Variants in DLG2 observed in about 807,000 individuals in gnomAD.
DLG2 encodes the protein disks large homolog 2.
In DLG2, 45 loss-of-function variants were observed where a neutral mutation model predicts 132.5. The observed-to-expected ratio is 0.34, with a 90% confidence interval of 0.27 to 0.44. The LOEUF is 0.44. DLG2 is among the 20% of genes least tolerant of loss of function. The pLI, the probability that DLG2 is intolerant of heterozygous loss-of-function variation, is 1.00. For missense variants in DLG2, 1,045 were observed against 1,196.9 expected (o/e 0.87, Z 1.87); for synonymous variants, 424 against 419.6 (o/e 1.01, Z -0.13).
At chr11:83,875,576 C>T (rs1358435300) in intron 15 of DLG2, among the ~76,000 whole-genome samples, 2 of 152,248 alleles carry the variant, frequency 1.3e-5, no homozygotes, top group South Asian at 2.1e-4. Flanking sequence ...GAGAATCTTT[C>T]ATCTGAGATA....
chr11:84,373,800 T>C (rs2098718646), intron 7 of DLG2, among the ~76,000 whole-genome samples: 1 of 152,214 alleles, frequency 6.6e-6, no homozygotes, highest in South Asian at 2.1e-4. Flanking sequence ...TTTCAACTTC[T>C]GTTTTTCTCT....
intron 7 of DLG2, among the ~76,000 whole-genome samples, chr11:84,465,585 C>T (rs1365446617): frequency 1.3e-5 from 2 of 151,178 alleles, no homozygotes; most frequent in Admixed American, 6.6e-5. Flanking sequence ...CATGTGAAAT[C>T]TCGCTTCTAT....
chr11:84,882,639 C>T (rs2087534805), intron 6 of DLG2, among the ~76,000 whole-genome samples: 1 of 152,058 alleles, frequency 6.6e-6, no homozygotes, highest in African/African-American at 2.4e-5. Flanking sequence ...TTGGAATCTG[C>T]AGCCTTATTT....
intron 6 of DLG2, among the ~76,000 whole-genome samples, chr11:84,656,393 T>C (rs542559369): frequency 7.2e-5 from 11 of 152,300 alleles, no homozygotes; most frequent in African/African-American, 2.6e-4. Flanking sequence ...CTACTCAGTA[T>C]ATTAAAAATG....
At position 85,502,317 on chromosome 11, in the gene DLG2, G is replaced by A. The variant is rs368365754; in HGVS notation, c.40+96340C>T. On this transcript the variant is annotated intron_variant, in intron 3 of 27. Coordinates refer to ENST00000376104, the MANE Select transcript of DLG2 (RefSeq NM_001142699.3). ...AACATTAGGAGAAATACCTACTGTA[G>A]GTGATGGGTTGATGGGTGCAGCAAA... 1.4e-3 allele frequency among the ~76,000 whole-genome samples: 206 copies of A among 151,862 alleles called. 1 individual carries two copies. Among genetic ancestry groups the A allele is most frequent in the African/African-American group, 4.9e-3 (204 of 41,436 alleles).
At chr11:85,376,590 T>C (rs776294504) in intron 3 of DLG2, among the ~76,000 whole-genome samples, 7 of 152,224 alleles carry the variant, frequency 4.6e-5, no homozygotes, top group African/African-American at 1.4e-4. Flanking sequence ...ATTTCTGCTA[T>C]AATAAACTTG....
At chr11:84,845,823 A>G (rs997728515) in intron 6 of DLG2, among the ~76,000 whole-genome samples, 1 of 151,138 alleles carries the variant, frequency 6.6e-6, no homozygotes, top group East Asian at 2.0e-4. Context: ...GGGACTAGAG[A>G]TGCACACCAA....
chr11:83,775,889 G>A (rs960101111), intron 18 of DLG2, among the ~76,000 whole-genome samples: 4 of 152,014 alleles, frequency 2.6e-5, no homozygotes, highest in Admixed American at 6.6e-5. Context: ...TCAGGAGATC[G>A]AGACCATCCT....
chr11:84,976,438 C>T (rs2154117297), intron 6 of DLG2, among the ~76,000 whole-genome samples: 1 of 152,184 alleles, frequency 6.6e-6, no homozygotes, highest in East Asian at 1.9e-4. Flanking sequence ...GATAATAAAT[C>T]ATATTCCTTG....
intron 6 of DLG2, among the ~76,000 whole-genome samples, chr11:84,580,561 A>G (rs1231583562): frequency 3.3e-5 from 5 of 152,222 alleles, no homozygotes; most frequent in African/African-American, 9.6e-5. Context: ...AGGTCAACCT[A>G]TAAGAATTCA....
chr11:84,036,008 C>T (rs2095854893), intron 11 of DLG2, among the ~76,000 whole-genome samples: 1 of 152,056 alleles, frequency 6.6e-6, no homozygotes, highest in Non-Finnish European at 1.5e-5. Context: ...GTTTTGTATA[C>T]ATTAATCTTA....
chr11:84,452,227 C>T (rs893819303), intron 7 of DLG2, among the ~76,000 whole-genome samples: 2 of 151,384 alleles, frequency 1.3e-5, no homozygotes, highest in Non-Finnish European at 1.5e-5. Flanking sequence ...CATTTGACAA[C>T]AGTAAGGAGA....
chr11:84,536,489 G>C (rs1311834735), intron 6 of DLG2, among the ~76,000 whole-genome samples: 6 of 152,070 alleles, frequency 3.9e-5, no homozygotes, highest in African/African-American at 1.4e-4. Flanking sequence ...CCATGCTTTT[G>C]TTTATCTAAC....
chr11:85,281,540 C>A (rs1399142682), intron 4 of DLG2, among the ~76,000 whole-genome samples: 1 of 151,998 alleles, frequency 6.6e-6, no homozygotes, highest in Non-Finnish European at 1.5e-5. Flanking sequence ...TTCTGTATGC[C>A]TTTTGGGAAG....
At chr11:84,055,248 A>G (rs1438010951) in intron 11 of DLG2, among the ~76,000 whole-genome samples, 1 of 151,992 alleles carries the variant, frequency 6.6e-6, no homozygotes, top group African/African-American at 2.4e-5. Context: ...TATTTTACCA[A>G]TAAATGGCAT....
At chr11:85,304,063 TA>T (rs2079782902) in intron 3 of DLG2, among the ~76,000 whole-genome samples, 1 of 152,114 alleles carries the variant, frequency 6.6e-6, no homozygotes, top group African/African-American at 2.4e-5. Flanking sequence ...TACATAAGGC[TA>T]AAAGTAAATA....
At chr11:85,503,989 G>C (rs549892361) in intron 3 of DLG2, among the ~76,000 whole-genome samples, 1 of 152,236 alleles carries the variant, frequency 6.6e-6, no homozygotes, top group Non-Finnish European at 1.5e-5. Flanking sequence ...TCATGTGTCT[G>C]TTGGCTGCAT....
In DLG2 at chr11:85,148,562, T is replaced by C. The variant is rs1357015149; in HGVS notation, c.282+5994A>G. Among the ~76,000 whole-genome samples the C allele has an allele frequency of 9.9e-5, 15 of 152,246 alleles. No homozygotes were observed. In the East Asian group the frequency reaches 2.7e-3, roughly 27 times the overall value. On this transcript the variant is annotated intron_variant, in intron 5 of 27. Coordinates refer to ENST00000376104, the MANE Select transcript of DLG2 (RefSeq NM_001142699.3). ...TGCATAAATGTCGTATTTTGGGAAG[T>C]GTCTGTTCATGTCCTTTGCCCACTT...
At chr11:83,657,074 G>T (rs1025899442) in intron 18 of DLG2, among the ~76,000 whole-genome samples, 1 of 152,140 alleles carries the variant, frequency 6.6e-6, no homozygotes, top group African/African-American at 2.4e-5. Context: ...AGCAAGAGTT[G>T]CTCTCTTATC....
Sources: gnomAD v4.1 joint callset for allele counts (sites outside exome capture counted in the v4.1 genomes callset) on GRCh38, gnomAD v4.1.1 for gene constraint, MANE v1.5 for transcripts, NCBI Gene and HGNC (gene_info 2026-07-23, HGNC 2026-07-21) for gene names.